EIF4G3: variants seen among roughly 807,000 people sequenced by gnomAD.
EIF4G3 encodes eukaryotic translation initiation factor 4 gamma 3.
Under a neutral mutation model 186.4 loss-of-function variants are expected in EIF4G3, and 34 were observed. The observed-to-expected ratio is 0.18, with a 90% CI of 0.14 to 0.24. The LOEUF (loss-of-function observed/expected upper bound fraction) is 0.24. Ranked by LOEUF, EIF4G3 falls within the 10% of genes least tolerant of loss-of-function variation. The pLI is 1.00. For synonymous variants in EIF4G3, 673 were observed against 679.5 expected (o/e 0.99, Z 0.15); for missense variants, 1,536 against 1,948.5 (o/e 0.79, Z 3.99).
chr1:20,942,013 G>C lies in EIF4G3; in HGVS notation c.1141C>G (p.Pro381Ala), dbSNP rs1387833581. 6.2e-7 allele frequency: 1 copy of C among 1,614,138 alleles called. No individual in the cohort carries two copies. The highest frequency in any genetic ancestry group is 8.5e-7 in the Non-Finnish European group (1 of 1,180,022). ...TCATCATTTTCATTTGTTGGTAAAG[G>C]GTCTGATGTTTCTGTGCAAGATGTG... ...SLTSCTETSD[P>A]LPTNENDDDI... The change falls in exon 14 of 37, where the codon CCT becomes GCT. Residue 381 changes from proline to alanine, a missense_variant. Physicochemically the swap from Pro to Ala is conservative, Grantham distance 27. Coordinates refer to ENST00000602326, the MANE Select transcript of EIF4G3 (RefSeq NM_001391906.1).
chr1:21,049,288 A>T (rs189317732), intron 4 of EIF4G3, among the ~76,000 whole-genome samples: 35 of 152,290 alleles, frequency 2.3e-4, no homozygotes, highest in Non-Finnish European at 3.4e-4. Flanking sequence ...AACCCTACAG[A>T]GAAAGGCTCC....
chr1:21,077,779 C>T (rs920408722), intron 3 of EIF4G3, among the ~76,000 whole-genome samples: 6 of 151,068 alleles, frequency 4.0e-5, no homozygotes. Flanking sequence ...ACTCAGGAGG[C>T]TGTGGCAGGA....
At chr1:21,075,267 C>G (rs2095550834) in intron 3 of EIF4G3, among the ~76,000 whole-genome samples, 1 of 151,868 alleles carries the variant, frequency 6.6e-6, no homozygotes, top group East Asian at 1.9e-4. Context: ...ATAGGAAATT[C>G]CCCGTAAAGA....
intron 14 of EIF4G3, among the ~76,000 whole-genome samples, chr1:20,931,486 C>A (rs2095307138): frequency 6.6e-6 from 1 of 152,132 alleles, no homozygotes; most frequent in Non-Finnish European, 1.5e-5. Context: ...TAGCAGAATT[C>A]TTAAGGGCCT....
At chr1:20,827,105 CTGTTT>C (rs965062762) in intron 32 of EIF4G3, among the ~76,000 whole-genome samples, 3 of 152,156 alleles carry the variant, frequency 2.0e-5, no homozygotes, top group South Asian at 2.1e-4. Context: ...TTTCTGAGTT[CTGTTT>C]TGTTTTGACA....
chr1:21,093,662 T>C (rs2096270506), intron 2 of EIF4G3, among the ~76,000 whole-genome samples: 2 of 152,230 alleles, frequency 1.3e-5, no homozygotes, highest in Admixed American at 1.3e-4. Flanking sequence ...GTATGTTTAC[T>C]GTGGCACAAT....
intron 29 of EIF4G3, among the ~76,000 whole-genome samples, chr1:20,848,423 C>T (rs2071971452): frequency 6.6e-6 from 1 of 152,174 alleles, no homozygotes; most frequent in African/African-American, 2.4e-5. Flanking sequence ...TAATGGATTT[C>T]TCCTAAGACC....
At chr1:21,081,789 A>C (rs1336692899) in intron 3 of EIF4G3, among the ~76,000 whole-genome samples, 1 of 151,840 alleles carries the variant, frequency 6.6e-6, no homozygotes, top group African/African-American at 2.4e-5. Context: ...TTACTGGCTC[A>C]CGCCACCATA....
chr1:21,042,248 G>A (rs760990588), intron 4 of EIF4G3, among the ~76,000 whole-genome samples: 3 of 152,102 alleles, frequency 2.0e-5, no homozygotes, highest in Non-Finnish European at 4.4e-5. Context: ...AAAGTGCTGG[G>A]ATTATAAGCA....
chr1:21,056,752 G>A (rs979845664), intron 3 of EIF4G3, among the ~76,000 whole-genome samples: 11 of 152,082 alleles, frequency 7.2e-5, no homozygotes, highest in African/African-American at 2.2e-4. Context: ...AAACAAGTAC[G>A]TTTTCCCATT....
chr1:21,176,234 C>T lies in EIF4G3; in HGVS notation c.-331G>A, dbSNP rs1015521517. 4.5e-4 allele frequency: 55 copies of T among 121,402 alleles called. No individual in the cohort carries two copies. The highest frequency in any genetic ancestry group is 8.1e-4 in the Non-Finnish European group (47 of 57,738). The allele number at this position is 121,402 out of a possible 1,614,324, so 7.5% of individuals were successfully genotyped here. A position where few individuals can be genotyped will look rare whatever the true frequency, so the allele number is the denominator to read the frequency against. ...TCGGGTGAGGAGGGGGGACCGCTGC[C>T]GCCGCCGCCGCCGCCGCCGCCGCCG... On this transcript the variant is annotated 5_prime_UTR_variant, in exon 2 of 37. Transcript: ENST00000602326.
intron 7 of EIF4G3, among the ~76,000 whole-genome samples, chr1:20,989,448 T>G (rs889957759): frequency 1.3e-5 from 2 of 149,532 alleles, no homozygotes; most frequent in African/African-American, 2.5e-5. Context: ...TCCCAGCTAC[T>G]CGGGAGGGTG....
At chr1:21,158,918 C>T (rs2097709472) in intron 2 of EIF4G3, among the ~76,000 whole-genome samples, 1 of 151,380 alleles carries the variant, frequency 6.6e-6, no homozygotes, top group Non-Finnish European at 1.5e-5. Flanking sequence ...TGAGTAAAGA[C>T]ACTAGATCTG....
In EIF4G3 at chr1:20,967,228, T is replaced by C. The variant is rs533715281; in HGVS notation, c.714+2246A>G. On this transcript the variant is annotated intron_variant, in intron 12 of 36. Coordinates refer to ENST00000602326, the MANE Select transcript of EIF4G3 (RefSeq NM_001391906.1). ...GGGCATTTAAGTGCAAAAAGACACA[T>C]ACATGTCCAAATTGAGAATTTAAAC... 2.6e-5 allele frequency among the ~76,000 whole-genome samples: 4 copies of C among 152,304 alleles called. No individual in the cohort carries two copies. The East Asian group carries it at 5.8e-4, about 22-fold the overall frequency.
intron 14 of EIF4G3, among the ~76,000 whole-genome samples, chr1:20,924,013 G>A (rs2094685599): frequency 6.6e-6 from 1 of 152,028 alleles, no homozygotes; most frequent in Non-Finnish European, 1.5e-5. Flanking sequence ...ACCAAACATA[G>A]TGAAGCATGG....
At chr1:21,131,239 C>A (rs1413878693) in intron 2 of EIF4G3, among the ~76,000 whole-genome samples, 122 of 114,100 alleles carry the variant, frequency 1.1e-3, no homozygotes, top group Middle Eastern at 4.8e-3. Context: ...GATTCTGCCT[C>A]AAAAAAAAAA....
chr1:21,112,804 T>C (rs2096748963), intron 2 of EIF4G3, among the ~76,000 whole-genome samples: 1 of 152,206 alleles, frequency 6.6e-6, no homozygotes, highest in Non-Finnish European at 1.5e-5. Flanking sequence ...TGTTCTTATG[T>C]AGAAGGGGCA....
chr1:21,163,857 C>T (rs898633440), intron 2 of EIF4G3, among the ~76,000 whole-genome samples: 11 of 152,112 alleles, frequency 7.2e-5, no homozygotes, highest in African/African-American at 2.4e-4. Flanking sequence ...CCGTAGCCTC[C>T]GCCACCTGAG....
chr1:20,999,654 A>T, intron 6 of EIF4G3: 4 of 407,024 alleles, frequency 9.8e-6, no homozygotes, highest in South Asian at 7.3e-5. Context: ...CGAAAAAGAA[A>T]ACCCCAACTT....
Sources: allele counts gnomAD v4.1 joint callset (sites outside exome capture counted in the v4.1 genomes callset), GRCh38; gene constraint gnomAD v4.1.1; transcripts MANE v1.5; gene names NCBI Gene and HGNC (gene_info 2026-07-23, HGNC 2026-07-21).